The following TENT2 variants were observed in gnomAD, a reference collection of about 807,000 sequenced individuals.
The protein encoded by TENT2 is terminal nucleotidyltransferase 2, also known as poly(A) RNA polymerase GLD2.
Under a neutral mutation model 72.2 loss-of-function variants are expected in TENT2, and 44 were observed. The observed-to-expected ratio is 0.61, with a 90% CI of 0.48 to 0.78. The LOEUF (loss-of-function observed/expected upper bound fraction) is 0.78. TENT2 is among the 30% of genes least tolerant of loss of function. TENT2 has a pLI of 0.00. For missense variants in TENT2, 541 were observed against 569.6 expected, an observed-to-expected ratio of 0.95 and a Z score of 0.51; for synonymous variants, 212 against 192.5, an observed-to-expected ratio of 1.10 and a Z score of -0.84.
intron 4 of TENT2, among the ~76,000 whole-genome samples, chr5:79,633,713 G>A (rs905849408): frequency 2.1e-5 from 3 of 143,984 alleles, no homozygotes; most frequent in Non-Finnish European, 4.5e-5. Context: ...ACTGTGCCAG[G>A]CTAAAAAGTT....
chr5:79,644,074 C>T (rs1048340183), intron 7 of TENT2, among the ~76,000 whole-genome samples: 4 of 151,852 alleles, frequency 2.6e-5, no homozygotes, highest in Admixed American at 2.0e-4. Context: ...CTCCACCTCC[C>T]TGGTTTAAGC....
chr5:79,623,838 T>G (rs1371692568), intron 4 of TENT2, among the ~76,000 whole-genome samples: 2 of 152,034 alleles, frequency 1.3e-5, no homozygotes, highest in Middle Eastern at 3.5e-3. Context: ...CATTTTATTA[T>G]GGGATATTTG....
At chr5:79,638,596 T>C (rs1782020522) in intron 4 of TENT2, among the ~76,000 whole-genome samples, 1 of 152,142 alleles carries the variant, frequency 6.6e-6, no homozygotes. Flanking sequence ...CTGAATTTGG[T>C]GAGTGAGGGG....
At chr5:79,673,043 A>G (rs1004361656) in intron 12 of TENT2, among the ~76,000 whole-genome samples, 17 of 152,340 alleles carry the variant, frequency 1.1e-4, no homozygotes, top group Admixed American at 7.2e-4. Context: ...TCTGATGATT[A>G]GTGATGTTGA....
chr5:79,681,795 A>G, intron 13 of TENT2, 187 bp from the exon 14 acceptor site: 1 of 483,272 alleles, frequency 2.1e-6, no homozygotes. Flanking sequence ...CTACCTTATT[A>G]GGCAGTTCAT....
At chr5:79,666,007 G>A (rs930153334) in intron 11 of TENT2, among the ~76,000 whole-genome samples, 7 of 149,438 alleles carry the variant, frequency 4.7e-5, no homozygotes, top group Non-Finnish European at 5.9e-5. Flanking sequence ...TTAATGAGAC[G>A]GAGTTTTGCT....
intron 11 of TENT2, among the ~76,000 whole-genome samples, chr5:79,667,677 T>C (rs1439654720): frequency 1.3e-5 from 2 of 152,166 alleles, no homozygotes; most frequent in Admixed American, 1.3e-4. Context: ...TTAACAATTA[T>C]TGATAGAATT....
intron 4 of TENT2, among the ~76,000 whole-genome samples, chr5:79,624,297 A>G (rs751869160): frequency 1.3e-5 from 2 of 152,204 alleles, no homozygotes; most frequent in Non-Finnish European, 2.9e-5. Flanking sequence ...TTGGGTTCCT[A>G]TCAACCAGCA....
At chr5:79,626,937 C>T (rs1479494202) in intron 4 of TENT2, among the ~76,000 whole-genome samples, 3 of 151,830 alleles carry the variant, frequency 2.0e-5, no homozygotes, top group Non-Finnish European at 4.4e-5. Flanking sequence ...CGAGACCAGC[C>T]TGGCCAATAT....
At chr5:79,662,132 A>T (rs1187521144) in intron 11 of TENT2, among the ~76,000 whole-genome samples, 1 of 152,194 alleles carries the variant, frequency 6.6e-6, no homozygotes, top group East Asian at 1.9e-4. Context: ...TTCTTTGCTC[A>T]TCCATAAGAA....
chr5:79,642,804 A>G (rs1785484296), intron 6 of TENT2, 28 bp from the exon 7 acceptor site: 1 of 1,562,532 alleles, frequency 6.4e-7, no homozygotes, highest in East Asian at 2.3e-5. Context: ...AAAGATAATG[A>G]AAAAACACTT....
intron 12 of TENT2, among the ~76,000 whole-genome samples, chr5:79,672,669 A>C (rs1004414191): frequency 2.0e-5 from 3 of 152,228 alleles, no homozygotes; most frequent in Non-Finnish European, 4.4e-5. Flanking sequence ...ATAGTACTCT[A>C]TTGTGGATAA....
chr5:79,619,871 C>G, intron 2 of TENT2, 86 bp downstream of exon 2: 2 of 1,508,390 alleles, frequency 1.3e-6, no homozygotes, highest in Non-Finnish European at 1.8e-6. Flanking sequence ...AACTTTTGAA[C>G]ATGGAGAATA....
intron 8 of TENT2, 63 bp downstream of exon 8, chr5:79,645,255 TA>T: frequency 8.2e-7 from 1 of 1,223,582 alleles, no homozygotes; most frequent in Non-Finnish European, 1.2e-6. Flanking sequence ...ACTCATCTGA[TA>T]AAGATAATTA....
At position 79,681,974 on chromosome 5, in the gene TENT2, C is replaced by A; in HGVS notation, c.1301-8C>A. On this transcript the variant is annotated splice_polypyrimidine_tract_variant and splice_region_variant and intron_variant, in intron 13 of 14. Transcript: ENST00000453514. ...ATTTTTCCTTTACATTTGCATTTAA[C>A]ATTGCAGAACCTTTTGATGGAACAA... is the stretch of plus-strand genomic sequence containing the variant. The A allele has an allele frequency of 3.7e-6, 6 of 1,605,454 alleles. No individual in the cohort carries two copies. Among genetic ancestry groups the A allele is most frequent in the African/African-American group, 1.3e-5 (1 of 74,626 alleles).
chr5:79,642,334 A>T (rs1302556106), intron 6 of TENT2, among the ~76,000 whole-genome samples: 1 of 152,054 alleles, frequency 6.6e-6, no homozygotes, highest in African/African-American at 2.4e-5. Flanking sequence ...GGAGAGTACA[A>T]GGGTTGTAAT....
chr5:79,677,656 CTT>C (rs1253566871), intron 12 of TENT2, among the ~76,000 whole-genome samples: 1 of 152,162 alleles, frequency 6.6e-6, no homozygotes, highest in Non-Finnish European at 1.5e-5. Flanking sequence ...ATAAATTTGA[CTT>C]AACTAGTATA....
intron 11 of TENT2, among the ~76,000 whole-genome samples, chr5:79,667,391 C>A (rs1323150543): frequency 6.6e-6 from 1 of 152,016 alleles, no homozygotes; most frequent in African/African-American, 2.4e-5. Flanking sequence ...AATATTGTCA[C>A]CCTAAGTTCA....
chr5:79,626,617 T>C (rs1580238250), intron 4 of TENT2, among the ~76,000 whole-genome samples: 1 of 138,228 alleles, frequency 7.2e-6, no homozygotes, highest in Admixed American at 7.4e-5. Context: ...ACCTGGCTAA[T>C]GTTTTTAATT....
Sources: allele counts gnomAD v4.1 joint callset (sites outside exome capture counted in the v4.1 genomes callset), GRCh38; gene constraint gnomAD v4.1.1; transcripts MANE v1.5; gene names NCBI Gene and HGNC (gene_info 2026-07-23, HGNC 2026-07-21).